Variants in CLIC5 observed in about 807,000 individuals in gnomAD.
The protein encoded by CLIC5 is CLIC family member 5.
Under a neutral mutation model 24.7 loss-of-function variants are expected in CLIC5, and 20 were observed. The ratio of observed to expected loss-of-function variants is 0.81; its 90% CI spans 0.57 to 1.18. The LOEUF is 1.18. Ranked by LOEUF, CLIC5 falls within the 50% of genes most tolerant of loss-of-function variation. The pLI is 0.00. For missense variants in CLIC5, 341 were observed against 326.1 expected (o/e 1.05, Z -0.35); for synonymous variants, 159 against 135.6 (o/e 1.17, Z -1.20).
chr6:46,021,179 C>T (rs1379894759), intron 1 of CLIC5, among the ~76,000 whole-genome samples: 2 of 150,086 alleles, frequency 1.3e-5, no homozygotes, highest in African/African-American at 2.4e-5. Flanking sequence ...ATGGCAAACA[C>T]ATGAAAATAT....
At position 45,903,842 on chromosome 6, in the gene CLIC5, C is replaced by T. The variant is rs570609374; in HGVS notation, c.589-587G>A. On this transcript the variant is annotated intron_variant, in intron 5 of 5. Coordinates refer to ENST00000339561, the MANE Select transcript of CLIC5 (RefSeq NM_016929.5). ...CAACAATTTTTCTTTTCTTCTTTCT[C>T]TTATTCACTTTGTTTTACACAGGCC... Among the ~76,000 whole-genome samples, 3 of 152,156 alleles carry T rather than the reference C, an allele frequency of 2.0e-5. No homozygotes were observed. The South Asian group carries it at 6.2e-4, about 32-fold the overall frequency.
At chr6:45,938,584 G>A (rs1364932223) in intron 4 of CLIC5, among the ~76,000 whole-genome samples, 1 of 152,154 alleles carries the variant, frequency 6.6e-6, no homozygotes, top group Non-Finnish European at 1.5e-5. Flanking sequence ...ACAAGGGCAA[G>A]TCTCATTACA....
At chr6:45,951,874 C>T (rs749444688) in intron 2 of CLIC5, among the ~76,000 whole-genome samples, 2 of 152,122 alleles carry the variant, frequency 1.3e-5, no homozygotes, top group Non-Finnish European at 2.9e-5. Flanking sequence ...GTGCTACTCC[C>T]ATGTCCCTCC....
chr6:46,008,568 A>T (rs1174814544), intron 1 of CLIC5, among the ~76,000 whole-genome samples: 1 of 152,090 alleles, frequency 6.6e-6, no homozygotes, highest in Non-Finnish European at 1.5e-5. Context: ...TTCAGCTTTC[A>T]CAGAGCCTGG....
At chr6:46,007,008 T>C (rs942204007) in intron 1 of CLIC5, among the ~76,000 whole-genome samples, 4 of 152,298 alleles carry the variant, frequency 2.6e-5, no homozygotes, top group Non-Finnish European at 5.9e-5. Flanking sequence ...CTTATTTCTG[T>C]ACTTCTTCTC....
chr6:46,116,098 A>G, the CLIC5 span, among the ~76,000 whole-genome samples: 1 of 152,214 alleles, frequency 6.6e-6, no homozygotes, highest in Non-Finnish European at 1.5e-5. Flanking sequence ...TGATAGAATC[A>G]TTATCAAGTC....
At chr6:46,099,870 C>T in the CLIC5 span, among the ~76,000 whole-genome samples, 2 of 151,782 alleles carry the variant, frequency 1.3e-5, no homozygotes, top group Non-Finnish European at 1.5e-5. Context: ...GGCAGAATAA[C>T]GATCATTTTG....
rs375720656 is a variant in CLIC5 at position 45,956,393 on chromosome 6, T to C, written c.64-1149A>G. 1.7e-3 allele frequency among the ~76,000 whole-genome samples: 255 copies of C among 151,832 alleles called. 9 individuals carry two copies. In the South Asian group the frequency reaches 0.051, roughly 30 times the overall value. The stretch of plus-strand genomic sequence containing the variant: ...GGGCATTCCACTGACAGGAAGGGCC[T>C]GTGTGGGCCAGGGTACTGAAGACTC... On this transcript the variant is annotated intron_variant, in intron 1 of 5. Transcript: ENST00000339561.
intron 1 of CLIC5, among the ~76,000 whole-genome samples, chr6:45,994,219 A>T (rs943642648): frequency 1.3e-5 from 2 of 152,148 alleles, no homozygotes; most frequent in African/African-American, 4.8e-5. Flanking sequence ...AGTGAATGAC[A>T]TGAGTATTAA....
intron 1 of CLIC5, among the ~76,000 whole-genome samples, chr6:46,022,816 A>G (rs1465806641): frequency 6.6e-6 from 1 of 152,172 alleles, no homozygotes; most frequent in Non-Finnish European, 1.5e-5. Flanking sequence ...GACACCGCTC[A>G]TACTCATTTT....
intron 1 of CLIC5, among the ~76,000 whole-genome samples, chr6:46,007,029 C>T (rs2127438566): frequency 6.6e-6 from 1 of 152,282 alleles, no homozygotes; most frequent in South Asian, 2.1e-4. Context: ...CATGCTCCCT[C>T]CTCTGGGGAA....
chr6:46,113,620 A>C, the CLIC5 span, among the ~76,000 whole-genome samples: 2 of 152,330 alleles, frequency 1.3e-5, no homozygotes, highest in African/African-American at 4.8e-5. Context: ...CATGCTGGCA[A>C]GGGGACCAGA....
At chr6:46,080,324 C>G in exon 1 of CLIC5, 1 of 1,204,308 alleles carries the variant, frequency 8.3e-7, no homozygotes, top group Non-Finnish European at 1.2e-6. Context: ...GCTGCACCAC[C>G]TTGCAGAGGA....
chr6:45,964,974 C>T (rs564227938), intron 1 of CLIC5, among the ~76,000 whole-genome samples: 30 of 152,126 alleles, frequency 2.0e-4, no homozygotes, highest in African/African-American at 3.9e-4. Context: ...TCTTTATGGC[C>T]GCAGAAGGCA....
chr6:46,082,771 C>A (rs897257059), upstream of CLIC5, among the ~76,000 whole-genome samples: 2 of 151,896 alleles, frequency 1.3e-5, no homozygotes, highest in Non-Finnish European at 2.9e-5. Context: ...ATCTTAATCC[C>A]TGTTCCATTA....
intron 1 of CLIC5, among the ~76,000 whole-genome samples, chr6:45,962,642 G>C (rs1561967717): frequency 6.6e-6 from 1 of 152,134 alleles, no homozygotes; most frequent in Admixed American, 6.5e-5. Context: ...TAATTCAGTA[G>C]CTGTCATCTG....
At chr6:45,956,722 A>C (rs1345129654) in intron 1 of CLIC5, among the ~76,000 whole-genome samples, 2 of 152,212 alleles carry the variant, frequency 1.3e-5, no homozygotes, top group Non-Finnish European at 2.9e-5. Flanking sequence ...CTATGAAATT[A>C]CAGTTATTTT....
At chr6:46,001,578 G>T (rs1442102320) in intron 1 of CLIC5, among the ~76,000 whole-genome samples, 1 of 152,158 alleles carries the variant, frequency 6.6e-6, no homozygotes, top group Admixed American at 6.5e-5. Flanking sequence ...TGCAAGTTCT[G>T]CCAGGTCCCA....
chr6:45,921,102 T>C (rs1763241269), intron 4 of CLIC5, among the ~76,000 whole-genome samples: 1 of 152,202 alleles, frequency 6.6e-6, no homozygotes, highest in Non-Finnish European at 1.5e-5. Context: ...GGCAAAATTA[T>C]AAAGCAGGTG....
Sources: allele counts gnomAD v4.1 joint callset (sites outside exome capture counted in the v4.1 genomes callset), GRCh38; gene constraint gnomAD v4.1.1; transcripts MANE v1.5; gene names NCBI Gene and HGNC (gene_info 2026-07-23, HGNC 2026-07-21).